The following SRPRA variants were observed in gnomAD, a reference collection of about 807,000 sequenced individuals.
SRPRA encodes the protein SRP receptor subunit alpha.
In SRPRA, 30 loss-of-function variants were observed where a neutral mutation model predicts 61.1. That is an observed-to-expected ratio of 0.49 (90% CI 0.37 to 0.67). SRPRA has a LOEUF of 0.67. Among genes scored for constraint, SRPRA ranks in the 30% least tolerant of loss-of-function variants. The probability of loss-of-function intolerance (pLI) is 0.00; values close to 1 mark genes in which losing one functional copy is unlikely to be tolerated. For synonymous variants in SRPRA, 324 were observed against 299.7 expected (o/e 1.08, Z -0.84); for missense variants, 759 against 828.4 (o/e 0.92, Z 1.03).
At chr11:126,237,027 C>T in the SRPRA span, among the ~76,000 whole-genome samples, 1 of 148,922 alleles carries the variant, frequency 6.7e-6, no homozygotes, top group Admixed American at 6.7e-5. Context: ...CACCATTCTC[C>T]TGCCTCAGCC....
At chr11:126,268,201 T>G in intron 1 of SRPRA, 115 bp from the exon 2 acceptor site, 4 of 836,256 alleles carry the variant, frequency 4.8e-6, no homozygotes, top group South Asian at 4.7e-5. Flanking sequence ...CTCAAATCTG[T>G]CCCCAGGACA....
the SRPRA span, among the ~76,000 whole-genome samples, chr11:126,244,584 A>T: frequency 5.9e-5 from 9 of 152,184 alleles, no homozygotes; most frequent in East Asian, 1.7e-3. This position sits in a 1 kb window ranked among gnomAD's most constrained non-coding sequence, Gnocchi z 4.5. Flanking sequence ...TGGGCGGATC[A>T]CCTGAGGTCG....
In SRPRA at chr11:126,264,185, G is replaced by A. The variant is rs139871574; in HGVS notation, c.1788+6C>T. 6.9e-5 allele frequency: 112 copies of A among 1,613,824 alleles called. 1 individual carries two copies. The African/African-American group carries it at 1.2e-3, about 17-fold the overall frequency. On this transcript the variant is annotated splice_donor_region_variant and intron_variant, in intron 13 of 13. Coordinates refer to ENST00000332118, the MANE Select transcript of SRPRA (RefSeq NM_003139.4). The surrounding 1 kb of genome is among the most constrained non-coding windows in gnomAD (Gnocchi z 5.0). Reference sequence around the variant, plus strand: ...CGCCCATTCCAGCCTCCAGTCTCACGTTTACCTTGTCATCAATGGTATCAA... The same window carrying A: ...CGCCCATTCCAGCCTCCAGTCTCACATTTACCTTGTCATCAATGGTATCAA...
chr11:126,252,175 C>G, the SRPRA span, among the ~76,000 whole-genome samples: 1 of 151,986 alleles, frequency 6.6e-6, no homozygotes, highest in African/African-American at 2.4e-5. The surrounding 1 kb of genome is among the most constrained non-coding windows in gnomAD (Gnocchi z 4.7). Flanking sequence ...TCAGTAGAGA[C>G]AGGGTTTCAC....
At chr11:126,261,248 TAA>T, downstream of SRPRA, 1 of 591,294 alleles carries the variant, frequency 1.7e-6, no homozygotes. Flanking sequence ...AATGCAAGTC[TAA>T]AGACTACTCC....
At chr11:126,250,633 G>C in the SRPRA span, 1 of 1,614,132 alleles carries the variant, frequency 6.2e-7, no homozygotes, top group South Asian at 1.1e-5. The surrounding 1 kb of genome is among the most constrained non-coding windows in gnomAD (Gnocchi z 5.1). Context: ...ATGGAAAATG[G>C]AGCCCTCGTA....
the SRPRA span, chr11:126,256,902 G>A: frequency 2.0e-6 from 3 of 1,537,646 alleles, no homozygotes; most frequent in African/African-American, 2.8e-5. This position sits in a 1 kb window ranked among gnomAD's most constrained non-coding sequence, Gnocchi z 6.6. Context: ...CAGCTCTTCA[G>A]CCTTTTGTGT....
In SRPRA at chr11:126,266,826, T is replaced by A. The variant is rs1281025010; in HGVS notation, c.623A>T (p.Glu208Val). 1.6e-5 allele frequency: 26 copies of A among 1,614,156 alleles called. No homozygotes were observed. The highest frequency in any genetic ancestry group is 2.0e-5 in the Non-Finnish European group (24 of 1,180,030). Residue 208 changes from glutamate to valine, a missense_variant, in exon 5 of 14, where the codon GAG (glutamate) becomes GTG (valine). Coordinates refer to ENST00000332118, the MANE Select transcript of SRPRA (RefSeq NM_003139.4). Reference protein sequence around the residue: ...PENGVELSKEELIRRKREEFI... With the variant: ...PENGVELSKEVLIRRKREEFI... The stretch of plus-strand genomic sequence containing the variant: ...CTCCTCGCGCTTCCTGCGGATCAGC[T>A]CCTCTTTGGAAAGTTCTACTCCGTT...
chr11:126,259,806 T>C (rs1950649709), downstream of SRPRA, among the ~76,000 whole-genome samples: 1 of 150,446 alleles, frequency 6.6e-6, no homozygotes, highest in African/African-American at 2.5e-5. Context: ...CTGCAAGCTC[T>C]GCCTCCTGGG....
At chr11:126,236,845 C>T in the SRPRA span, among the ~76,000 whole-genome samples, 3 of 143,202 alleles carry the variant, frequency 2.1e-5, no homozygotes, top group East Asian at 2.1e-4. Context: ...ATTTCTGTTG[C>T]GTTATTTTTG....
chr11:126,242,879 C>T, the SRPRA span, among the ~76,000 whole-genome samples: 8,307 of 152,192 alleles, frequency 0.055, 362 homozygotes, highest in East Asian at 0.18. Flanking sequence ...TATACCTAAG[C>T]GAATGGAAAG....
the SRPRA span, among the ~76,000 whole-genome samples, chr11:126,249,963 A>T: frequency 6.6e-6 from 1 of 152,082 alleles, no homozygotes; most frequent in Non-Finnish European, 1.5e-5. Flanking sequence ...TTCTATAAAA[A>T]TGCCTATTTT....
chr11:126,239,972 A>G, the SRPRA span, among the ~76,000 whole-genome samples: 1 of 152,194 alleles, frequency 6.6e-6, no homozygotes, highest in Admixed American at 6.5e-5. Context: ...TTTATTATTT[A>G]GACAAAAAGG....
In SRPRA at chr11:126,264,608, A is replaced by G. The variant is rs568296199; in HGVS notation, c.1526-69T>C. 1.3e-5 allele frequency: 20 copies of G among 1,565,866 alleles called. No individual in the cohort carries two copies. In the South Asian group the frequency reaches 2.3e-4, roughly 18 times the overall value. The stretch of plus-strand genomic sequence containing the variant: ...TCATGCTCGTTCCCAGCTTCCTCTC[A>G]AAAAGTCCTAGTTTGACTACCTGTT... On this transcript the variant is annotated intron_variant, in intron 11 of 13. Transcript: ENST00000332118. The surrounding 1 kb of genome is among the most constrained non-coding windows in gnomAD (Gnocchi z 5.0).
At position 126,265,206 on chromosome 11, in the gene SRPRA, C is replaced by G. The variant is rs1212577956; in HGVS notation, c.1312-34G>C. The G allele has an allele frequency of 1.2e-6, 2 of 1,613,910 alleles. No individual in the cohort carries two copies. Among genetic ancestry groups the G allele is most frequent in the South Asian group, 1.1e-5 (1 of 91,068 alleles). On this transcript the variant is annotated intron_variant, in intron 10 of 13. Coordinates refer to ENST00000332118, the MANE Select transcript of SRPRA (RefSeq NM_003139.4). This position sits in a 1 kb window ranked among gnomAD's most constrained non-coding sequence, Gnocchi z 6.3. ...AAGACGTAAGAAAAGTCACCTAAAG[C>G]CAGGATTTTGAGACACAAGAAGTAC...
chr11:126,256,579 A>G, the SRPRA span: 2 of 1,613,572 alleles, frequency 1.2e-6, no homozygotes, highest in African/African-American at 1.3e-5. This position sits in a 1 kb window ranked among gnomAD's most constrained non-coding sequence, Gnocchi z 6.6. Flanking sequence ...AGAAATTCAG[A>G]AACTCTACGA....
At chr11:126,238,551 AAG>A in the SRPRA span, among the ~76,000 whole-genome samples, 8 of 152,190 alleles carry the variant, frequency 5.3e-5, no homozygotes, top group African/African-American at 1.4e-4. Context: ...CCTCTGGGGA[AAG>A]AGAGTTGGGG....
chr11:126,261,110 C>G (rs1950686022), downstream of SRPRA: 1 of 236,152 alleles, frequency 4.2e-6, no homozygotes, highest in East Asian at 8.5e-5. Context: ...CGAAACTTGG[C>G]CCTCTAGACT....
the SRPRA span, among the ~76,000 whole-genome samples, chr11:126,247,173 T>A: frequency 1.3e-5 from 2 of 152,110 alleles, no homozygotes; most frequent in East Asian, 3.9e-4. Flanking sequence ...GCGCCTGTAG[T>A]CCTAGCCACT....
Sources: gnomAD v4.1 joint callset for allele counts (sites outside exome capture counted in the v4.1 genomes callset) on GRCh38, gnomAD v4.1.1 for gene constraint, Gnocchi (gnomAD v3.1) non-coding constraint, MANE v1.5 for transcripts, NCBI Gene and HGNC (gene_info 2026-07-23, HGNC 2026-07-21) for gene names.